The following SPNS3 variants were observed in gnomAD, a reference collection of about 807,000 sequenced individuals.
SPNS3 encodes the protein SPNS lysolipid transporter 3, sphingosine-1-phosphate (putative).
SPNS3 carries 51 observed loss-of-function variants against 54.4 expected under a neutral mutation model. The ratio of observed to expected loss-of-function variants is 0.94; its 90% CI spans 0.75 to 1.18. The LOEUF is 1.18. SPNS3 is among the 50% of genes most tolerant of loss of function. The pLI, the probability that SPNS3 is intolerant of heterozygous loss-of-function variation, is 0.00. For missense variants in SPNS3, 669 were observed against 677.4 expected (o/e 0.99, Z 0.14); for synonymous variants, 309 against 294.7 (o/e 1.05, Z -0.50).
At chr17:4,474,575 G>A (rs1971940067) in intron 8 of SPNS3, among the ~76,000 whole-genome samples, 2 of 152,166 alleles carry the variant, frequency 1.3e-5, no homozygotes, top group African/African-American at 4.8e-5. Flanking sequence ...CACCCCACAG[G>A]GGCTGACCCT....
chr17:4,472,441 G>GA (rs1269474943), intron 8 of SPNS3, among the ~76,000 whole-genome samples: 1 of 152,202 alleles, frequency 6.6e-6, no homozygotes, highest in Non-Finnish European at 1.5e-5. Flanking sequence ...TCAGGCAAAT[G>GA]AGGAGTCTGT....
intron 1 of SPNS3, among the ~76,000 whole-genome samples, chr17:4,436,210 C>A (rs933419466): frequency 1.3e-5 from 2 of 152,140 alleles, no homozygotes; most frequent in Non-Finnish European, 2.9e-5. Flanking sequence ...CAGGAGGGTG[C>A]CTGCAGCTGC....
At chr17:4,479,308 G>A (rs974088733) in intron 9 of SPNS3, among the ~76,000 whole-genome samples, 3 of 152,226 alleles carry the variant, frequency 2.0e-5, no homozygotes, top group Non-Finnish European at 2.9e-5. Flanking sequence ...ACTCTGGGGC[G>A]TGCAGACGGG....
At chr17:4,487,697 C>G in intron 11 of SPNS3, 109 bp from the exon 12 acceptor site, 1 of 963,072 alleles carries the variant, frequency 1.0e-6, no homozygotes, top group Non-Finnish European at 1.7e-6. Context: ...GGAATGTATT[C>G]TGCATTTGGG....
intron 7 of SPNS3, among the ~76,000 whole-genome samples, chr17:4,452,646 G>A (rs1050056890): frequency 6.6e-6 from 1 of 152,032 alleles, no homozygotes; most frequent in African/African-American, 2.4e-5. Context: ...GGGCCAGGGT[G>A]GGACCCTGGA....
At position 4,478,542 on chromosome 17, in the gene SPNS3, A is replaced by C; in HGVS notation, c.1114-30A>C. 2.6e-6 allele frequency: 4 copies of C among 1,554,674 alleles called. No homozygotes were observed. In the South Asian group the frequency reaches 3.6e-5, roughly 14 times the overall value. Reference sequence around the variant, plus strand: ...TGGGGTTGGTGACTGGGATCTGGGAATCCTCACCCAGGCCACCCTCTGTCC... The same window carrying C: ...TGGGGTTGGTGACTGGGATCTGGGACTCCTCACCCAGGCCACCCTCTGTCC... On this transcript the variant is annotated intron_variant, in intron 8 of 11. Coordinates refer to ENST00000355530, the MANE Select transcript of SPNS3 (RefSeq NM_182538.5).
chr17:4,444,820 G>C (rs1321699895), intron 2 of SPNS3, among the ~76,000 whole-genome samples: 1 of 152,054 alleles, frequency 6.6e-6, no homozygotes, highest in Admixed American at 6.6e-5. Flanking sequence ...TTTGGGTTTG[G>C]GGCCAGATTG....
intron 9 of SPNS3, among the ~76,000 whole-genome samples, chr17:4,479,744 G>A (rs532579993): frequency 3.9e-5 from 6 of 152,344 alleles, no homozygotes; most frequent in Admixed American, 2.6e-4. Context: ...AAACAGACCT[G>A]GCTGTCAGCC....
At chr17:4,450,422 CTTTCTTTTT>C (rs1402371456) in intron 7 of SPNS3, among the ~76,000 whole-genome samples, 1 of 122,774 alleles carries the variant, frequency 8.1e-6, no homozygotes, top group Non-Finnish European at 1.6e-5. Context: ...CTCTTCTTTT[CTTTCTTTTT>C]TGAGTCAAGG....
rs750424282 is a variant in SPNS3 at position 4,486,420 on chromosome 17, T to C, written c.1287T>C (p.Ser429=). ...TCCCTTCTCCTCCGCAGATCTCTAG[T>C]GTCCTGCGGGCCAGGCGCCCTGACT... ...GSPYLTGLIS[S]VLRARRPDSY... is the part of the protein sequence containing the mutation. The change falls in exon 11 of 12, where the codon AGT becomes AGC. Residue 429 remains serine (S), a synonymous_variant. Transcript: ENST00000355530. The surrounding 1 kb of genome is among the most constrained non-coding windows in gnomAD (Gnocchi z 5.5). 1.9e-6 allele frequency: 3 copies of C among 1,607,738 alleles called. No homozygotes were observed. Among genetic ancestry groups the C allele is most frequent in the African/African-American group, 1.3e-5 (1 of 74,744 alleles).
chr17:4,474,214 G>T (rs1278789787), intron 8 of SPNS3, among the ~76,000 whole-genome samples: 1 of 152,182 alleles, frequency 6.6e-6, no homozygotes, highest in Non-Finnish European at 1.5e-5. Context: ...CTGCCCACTG[G>T]CTTGTTGGGC....
At chr17:4,470,950 G>T (rs1370225897) in intron 8 of SPNS3, among the ~76,000 whole-genome samples, 1 of 151,998 alleles carries the variant, frequency 6.6e-6, no homozygotes, top group Non-Finnish European at 1.5e-5. Context: ...GTGAGACACA[G>T]TTTCGCTCTT....
intron 8 of SPNS3, among the ~76,000 whole-genome samples, chr17:4,454,545 C>T (rs1297796052): frequency 6.6e-6 from 1 of 151,598 alleles, no homozygotes. Context: ...TCTAGTCACA[C>T]ACATGAACTA....
intron 1 of SPNS3, among the ~76,000 whole-genome samples, chr17:4,437,802 T>A (rs894555872): frequency 8.0e-6 from 1 of 124,310 alleles, no homozygotes; most frequent in Admixed American, 8.1e-5. Flanking sequence ...TTTTTTTTTT[T>A]TGGAGACGGA....
rs1211586793 is a variant in SPNS3 at position 4,439,520 on chromosome 17, G to A, written c.200-138G>A. On this transcript the variant is annotated intron_variant, in intron 1 of 11. Transcript: ENST00000355530. The stretch of plus-strand genomic sequence containing the variant: ...GTTGTACAGCTGTATGGGAGAGAGG[G>A]GGAGAGAACAGTGGGCTTGGGTGCC... 5 of 665,684 alleles carry A rather than the reference G, an allele frequency of 7.5e-6. No homozygotes were observed. The Admixed American group carries it at 9.7e-5, about 13-fold the overall frequency. The allele number at this position is 665,684 out of a possible 1,614,324, so 41.2% of individuals were successfully genotyped here.
intron 1 of SPNS3, among the ~76,000 whole-genome samples, chr17:4,436,170 A>C (rs772722667): frequency 6.6e-6 from 1 of 152,132 alleles, no homozygotes; most frequent in Non-Finnish European, 1.5e-5. Context: ...GCGGCCAGAC[A>C]AGGGGGAGGC....
chr17:4,442,104 C>T (rs1182920992), intron 2 of SPNS3, among the ~76,000 whole-genome samples: 7 of 151,762 alleles, frequency 4.6e-5, no homozygotes, highest in African/African-American at 1.7e-4. Flanking sequence ...GCCTGATGAC[C>T]AGGCTGGTCT....
intron 2 of SPNS3, among the ~76,000 whole-genome samples, chr17:4,442,541 C>CA (rs1203878548): frequency 6.9e-6 from 1 of 143,966 alleles, no homozygotes; most frequent in South Asian, 2.2e-4. Flanking sequence ...AAAAAAAAAA[C>CA]AAAAAAAGAG....
At chr17:4,472,414 G>A (rs1024913041) in intron 8 of SPNS3, among the ~76,000 whole-genome samples, 3 of 152,128 alleles carry the variant, frequency 2.0e-5, no homozygotes, top group Admixed American at 6.6e-5. Flanking sequence ...TTCTGTTGCC[G>A]GAGGGAAATG....
Sources: allele counts gnomAD v4.1 joint callset (sites outside exome capture counted in the v4.1 genomes callset), GRCh38; gene constraint gnomAD v4.1.1; non-coding constraint Gnocchi (gnomAD v3.1); transcripts MANE v1.5; gene names NCBI Gene and HGNC (gene_info 2026-07-23, HGNC 2026-07-21).